The following ST3GAL5 variants were observed in gnomAD, a reference collection of about 807,000 sequenced individuals.
ST3GAL5 encodes the protein lactosylceramide alpha-2,3-sialyltransferase.
A neutral mutation model predicts 46.1 loss-of-function variants in ST3GAL5; 25 were observed. That is an observed-to-expected ratio of 0.54 (90% CI 0.40 to 0.76). The LOEUF (loss-of-function observed/expected upper bound fraction) is 0.76, where lower values mean the gene tolerates loss of function less well. Among genes scored for constraint, ST3GAL5 ranks in the 30% least tolerant of loss-of-function variants. The pLI is 0.00. For missense variants in ST3GAL5, 431 were observed against 521.2 expected, an observed-to-expected ratio of 0.83 and a Z score of 1.69; for synonymous variants, 182 against 192.7, an observed-to-expected ratio of 0.94 and a Z score of 0.46.
chr2:85,844,981 C>G, intron 5 of ST3GAL5: 1 of 228,042 alleles, frequency 4.4e-6, no homozygotes, highest in Non-Finnish European at 8.9e-6. Flanking sequence ...CATCTTCCAA[C>G]TAGAACTTCT....
chr2:85,852,041 C>T (rs1209660304), intron 3 of ST3GAL5, among the ~76,000 whole-genome samples: 5 of 152,198 alleles, frequency 3.3e-5, no homozygotes, highest in Non-Finnish European at 5.9e-5. Context: ...TAAAAACAAT[C>T]AAAGTAATTT....
chr2:85,886,542 TAAAAA>T (rs544501003), intron 1 of ST3GAL5, among the ~76,000 whole-genome samples: 51 of 148,286 alleles, frequency 3.4e-4, no homozygotes, highest in Non-Finnish European at 6.7e-4. Context: ...ATGCTATACT[TAAAAA>T]AAAAAGAGGA....
intron 1 of ST3GAL5, chr2:85,867,587 C>T (rs968779228): frequency 4.1e-5 from 32 of 780,786 alleles, no homozygotes; most frequent in South Asian, 2.7e-4. Flanking sequence ...CAGAAAGAAA[C>T]GTGTGATGGG....
At chr2:85,885,525 G>A (rs1687639802) in intron 1 of ST3GAL5, among the ~76,000 whole-genome samples, 1 of 152,172 alleles carries the variant, frequency 6.6e-6, no homozygotes, top group Non-Finnish European at 1.5e-5. Context: ...CTACCAGTGT[G>A]ATCATTTCAA....
intron 2 of ST3GAL5, 38 bp downstream of exon 2, chr2:85,863,323 CA>C: frequency 6.2e-7 from 1 of 1,612,980 alleles, no homozygotes. Context: ...ACAGTTGACC[CA>C]AAGCAGGGGG....
chr2:85,848,512 C>A (rs1573598872), intron 3 of ST3GAL5: 2 of 842,842 alleles, frequency 2.4e-6, no homozygotes, highest in East Asian at 9.4e-5. Context: ...TGAAAATGTA[C>A]TTCGGGGTGT....
At chr2:85,864,383 A>G (rs905491913) in intron 1 of ST3GAL5, among the ~76,000 whole-genome samples, 1 of 152,148 alleles carries the variant, frequency 6.6e-6, no homozygotes, top group African/African-American at 2.4e-5. Context: ...CAAAAATGAG[A>G]TCTGCTTCAA....
chr2:85,846,411 T>A lies in ST3GAL5; in HGVS notation c.815A>T (p.Asn272Ile). Reference protein sequence around the residue: ...VAVLFKSVDFNWLQAMVKKET... With the variant: ...VAVLFKSVDFIWLQAMVKKET... The stretch of plus-strand genomic sequence containing the variant: ...CTTTTTTACCATTGCTTGAAGCCAG[T>A]TGAAATCAACACTCTTAAATAAAAC... The change falls in exon 5 of 7, where the codon AAC becomes ATC. Residue 272 changes from asparagine (N) to isoleucine (I), a missense_variant. Asn to Ile is a moderately radical substitution (Grantham distance 149, BLOSUM62 -3). Transcript: ENST00000638572. 1 of 1,614,212 alleles carries A rather than the reference T, an allele frequency of 6.2e-7. No homozygotes were observed. Among genetic ancestry groups the A allele is most frequent in the Admixed American group, 1.7e-5 (1 of 60,034 alleles).
At chr2:85,883,293 G>T (rs866840318) in intron 1 of ST3GAL5, among the ~76,000 whole-genome samples, 1 of 152,154 alleles carries the variant, frequency 6.6e-6, no homozygotes, top group African/African-American at 2.4e-5. Context: ...AGTCTCATGA[G>T]ATCTGATGGG....
intron 1 of ST3GAL5, chr2:85,887,879 C>T (rs1053923126): frequency 6.6e-6 from 1 of 152,278 alleles, no homozygotes; most frequent in Non-Finnish European, 1.5e-5. Context: ...GAGCAGGCAA[C>T]CACTGGTGCC....
chr2:85,846,724 A>G, intron 4 of ST3GAL5, 161 bp from the exon 5 acceptor site: 1 of 662,358 alleles, frequency 1.5e-6, no homozygotes, highest in Non-Finnish European at 2.6e-6. Flanking sequence ...TCTTTCTAGG[A>G]TTTCGAGGAA....
In ST3GAL5 at chr2:85,863,499, C is replaced by G. The variant is rs1053153952; in HGVS notation, c.83-14G>C. On this transcript the variant is annotated splice_polypyrimidine_tract_variant and intron_variant, in intron 1 of 6. Transcript: ENST00000638572. Reference sequence around the variant, plus strand: ...CACTTGGCATTGCTGTGAAGAGAGGCGAAGAGGGCAGTGGGGAAAAAGAGA... The same window carrying G: ...CACTTGGCATTGCTGTGAAGAGAGGGGAAGAGGGCAGTGGGGAAAAAGAGA... 7 of 1,613,828 alleles carry G rather than the reference C, an allele frequency of 4.3e-6. No homozygotes were observed. The highest frequency in any genetic ancestry group is 5.9e-6 in the Non-Finnish European group (7 of 1,179,958).
chr2:85,844,599 G>A (rs911070381), intron 5 of ST3GAL5, 45 bp from the exon 6 acceptor site: 4 of 1,611,950 alleles, frequency 2.5e-6, no homozygotes, highest in Non-Finnish European at 3.4e-6. Flanking sequence ...TTCTAGGGGA[G>A]GGGAGAAAGC....
At chr2:85,844,929 T>TA in intron 5 of ST3GAL5, 1 of 324,130 alleles carries the variant, frequency 3.1e-6, no homozygotes, top group Non-Finnish European at 6.0e-6. Context: ...CTCTCTCACT[T>TA]ACTCTATTTC....
intron 1 of ST3GAL5, chr2:85,867,777 T>A: frequency 1.4e-6 from 1 of 698,320 alleles, no homozygotes. Context: ...GGGCAGGACT[T>A]ATGGTATAAC....
At chr2:85,883,265 T>G (rs1485596380) in intron 1 of ST3GAL5, among the ~76,000 whole-genome samples, 1 of 152,208 alleles carries the variant, frequency 6.6e-6, no homozygotes, top group African/African-American at 2.4e-5. Context: ...TCCCATGTTA[T>G]TCTCATGATA....
intron 1 of ST3GAL5, among the ~76,000 whole-genome samples, chr2:85,885,603 C>A (rs139452702): frequency 6.6e-6 from 1 of 151,702 alleles, no homozygotes; most frequent in Non-Finnish European, 1.5e-5. Context: ...CCGAGGTGGG[C>A]GGATCACGAG....
chr2:85,853,170 T>C (rs1683726096), intron 3 of ST3GAL5: 2 of 971,794 alleles, frequency 2.1e-6, no homozygotes, highest in Admixed American at 5.0e-5. Context: ...GACATCAACG[T>C]GCCCTCGTCT....
intron 3 of ST3GAL5, among the ~76,000 whole-genome samples, chr2:85,856,738 G>A (rs1684154326): frequency 6.6e-6 from 1 of 151,496 alleles, no homozygotes; most frequent in Non-Finnish European, 1.5e-5. Flanking sequence ...CAAGGCTAAT[G>A]TTTTTATTTT....
Sources: gnomAD v4.1 joint callset for allele counts (sites outside exome capture counted in the v4.1 genomes callset) on GRCh38, gnomAD v4.1.1 for gene constraint, MANE v1.5 for transcripts, NCBI Gene and HGNC (gene_info 2026-07-23, HGNC 2026-07-21) for gene names.